Variants in CSMD1 observed in about 807,000 individuals in gnomAD.
CSMD1 encodes the protein CUB and Sushi multiple domains 1.
In CSMD1, 213 loss-of-function variants were observed where a neutral mutation model predicts 417.5. The ratio of observed to expected loss-of-function variants is 0.51; its 90% CI spans 0.46 to 0.57. CSMD1 has a LOEUF of 0.57. Among genes scored for constraint, CSMD1 ranks in the 20% least tolerant of loss-of-function variants. The pLI is 0.00. For synonymous variants in CSMD1, 2,862 were observed against 1,736.8 expected, an observed-to-expected ratio of 1.65 and a Z score of -16.11; for missense variants, 6,923 against 4,529.7, an observed-to-expected ratio of 1.53 and a Z score of -15.17.
At chr8:4,889,781 A>C (rs1803986664) in intron 1 of CSMD1, among the ~76,000 whole-genome samples, 1 of 152,136 alleles carries the variant, frequency 6.6e-6, no homozygotes, top group Non-Finnish European at 1.5e-5. Context: ...CTAGAACACT[A>C]ATAGTGAGGG....
At chr8:4,288,267 A>T (rs566125073) in intron 3 of CSMD1, among the ~76,000 whole-genome samples, 6 of 152,192 alleles carry the variant, frequency 3.9e-5, no homozygotes, top group Non-Finnish European at 7.4e-5. Context: ...ACATGCCCCC[A>T]CTGGGAACAG....
intron 7 of CSMD1, chr8:3,702,201 C>G (rs954597569): frequency 6.6e-6 from 1 of 152,072 alleles, no homozygotes; most frequent in African/African-American, 2.4e-5. Context: ...ATTAATTGCC[C>G]CATCCTGCAT....
At chr8:4,875,513 T>G (rs1347129301) in intron 1 of CSMD1, among the ~76,000 whole-genome samples, 4 of 152,070 alleles carry the variant, frequency 2.6e-5, no homozygotes, top group African/African-American at 7.3e-5. Context: ...GAGATGAAGC[T>G]TTGGCATTTG....
intron 5 of CSMD1, among the ~76,000 whole-genome samples, chr8:3,955,184 G>A (rs1018473017): frequency 6.6e-6 from 1 of 152,132 alleles, no homozygotes; most frequent in Non-Finnish European, 1.5e-5. Context: ...TCCACCACCC[G>A]TGACCACGTG....
intron 52 of CSMD1, among the ~76,000 whole-genome samples, chr8:3,006,420 T>C (rs555859536): frequency 0.02 from 3,067 of 151,174 alleles, 89 homozygotes; most frequent in African/African-American, 0.069. Context: ...TGGAAAAAAC[T>C]ACTTTAAAGT....
chr8:4,413,721 G>A (rs1233515835), intron 3 of CSMD1, among the ~76,000 whole-genome samples: 1 of 152,060 alleles, frequency 6.6e-6, no homozygotes, highest in Non-Finnish European at 1.5e-5. Flanking sequence ...ACATTGATTA[G>A]GGGTTCTAAT....
intron 1 of CSMD1, among the ~76,000 whole-genome samples, chr8:4,714,560 G>A (rs774669517): frequency 2.0e-5 from 3 of 152,098 alleles, no homozygotes; most frequent in African/African-American, 4.8e-5. Context: ...AGAGAAGTCG[G>A]AACTTTCCCA....
intron 5 of CSMD1, among the ~76,000 whole-genome samples, chr8:3,908,267 TTCA>T (rs1220439783): frequency 6.7e-6 from 1 of 149,954 alleles, no homozygotes; most frequent in Admixed American, 6.7e-5. Flanking sequence ...CTGAGTCAGG[TTCA>T]TCAAGAAATC....
At chr8:3,046,370 G>A (rs1448575092) in intron 50 of CSMD1, among the ~76,000 whole-genome samples, 3 of 152,160 alleles carry the variant, frequency 2.0e-5, no homozygotes, top group African/African-American at 7.2e-5. Flanking sequence ...GCCTCCTCCG[G>A]TTCCTTCCAC....
chr8:4,805,420 G>A (rs1295909330), intron 1 of CSMD1, among the ~76,000 whole-genome samples: 4 of 152,064 alleles, frequency 2.6e-5, no homozygotes, highest in Non-Finnish European at 5.9e-5. Flanking sequence ...TCATGTGACC[G>A]AGTCCTTGCC....
chr8:4,906,158 G>A (rs1414255457), intron 1 of CSMD1, among the ~76,000 whole-genome samples: 1 of 152,146 alleles, frequency 6.6e-6, no homozygotes, highest in African/African-American at 2.4e-5. Context: ...CGCTTCAAAG[G>A]AAGTTTCCTG....
intron 26 of CSMD1, among the ~76,000 whole-genome samples, chr8:3,249,321 A>C (rs1800106366): frequency 6.6e-6 from 1 of 152,094 alleles, no homozygotes; most frequent in African/African-American, 2.4e-5. Flanking sequence ...TCCTGGGTTC[A>C]TGTGATTCTC....
chr8:4,511,518 G>C (rs185250142), intron 2 of CSMD1, among the ~76,000 whole-genome samples: 5 of 152,310 alleles, frequency 3.3e-5, no homozygotes, highest in Non-Finnish European at 5.9e-5. Context: ...TGTCCTAAGA[G>C]AAAGCTCCAC....
At chr8:4,457,517 C>A (rs1187088676) in intron 2 of CSMD1, among the ~76,000 whole-genome samples, 3 of 151,888 alleles carry the variant, frequency 2.0e-5, no homozygotes, top group Non-Finnish European at 2.9e-5. Flanking sequence ...CTGGACATAC[C>A]CATGTAATTA....
intron 2 of CSMD1, among the ~76,000 whole-genome samples, chr8:4,422,156 A>C (rs1797284758): frequency 6.6e-6 from 1 of 152,172 alleles, no homozygotes; most frequent in Non-Finnish European, 1.5e-5. Flanking sequence ...TTCCAGTTCC[A>C]AATGTTCCCA....
chr8:3,705,019 C>G (rs1259139593), intron 7 of CSMD1, among the ~76,000 whole-genome samples: 2 of 152,150 alleles, frequency 1.3e-5, no homozygotes, highest in East Asian at 3.8e-4. Flanking sequence ...TTCACCAAAA[C>G]CTTGAACATT....
chr8:4,637,723 T>A (rs1367564928), intron 1 of CSMD1, among the ~76,000 whole-genome samples, 165 bp from the exon 2 acceptor site: 2 of 135,268 alleles, frequency 1.5e-5, no homozygotes, highest in Non-Finnish European at 3.1e-5. Flanking sequence ...GACTGCGGAC[T>A]GCAGTGGCGC....
chr8:4,326,361 C>G (rs1799563125), intron 3 of CSMD1, among the ~76,000 whole-genome samples: 2 of 152,032 alleles, frequency 1.3e-5, no homozygotes, highest in African/African-American at 4.8e-5. Context: ...AACCTGACGA[C>G]GATCACCAAT....
At chr8:4,950,213 TTGA>T (rs1808650043) in intron 1 of CSMD1, among the ~76,000 whole-genome samples, 1 of 152,306 alleles carries the variant, frequency 6.6e-6, no homozygotes, top group African/African-American at 2.4e-5. Flanking sequence ...TGAAAAGTAT[TTGA>T]TGCTTATCTA....
Sources: allele counts gnomAD v4.1 joint callset (sites outside exome capture counted in the v4.1 genomes callset), GRCh38; gene constraint gnomAD v4.1.1; transcripts MANE v1.5; gene names NCBI Gene and HGNC (gene_info 2026-07-23, HGNC 2026-07-21).